ZNF682: variants seen among roughly 807,000 people sequenced by gnomAD.
ZNF682 encodes zinc finger protein 682.
ZNF682 carries 29 observed loss-of-function variants against 36.5 expected under a neutral mutation model. The observed-to-expected ratio is 0.80, with a 90% CI of 0.59 to 1.08. The LOEUF is 1.08. Among genes scored for constraint, ZNF682 ranks in the 50% least tolerant of loss-of-function variants. The probability of loss-of-function intolerance (pLI) is 0.00; values close to 1 mark genes in which losing one functional copy is unlikely to be tolerated. For synonymous variants in ZNF682, 180 were observed against 197.0 expected, an observed-to-expected ratio of 0.91 and a Z score of 0.72; for missense variants, 561 against 579.7, an observed-to-expected ratio of 0.97 and a Z score of 0.33.
At chr19:20,028,783 G>A (rs1407316852) in intron 1 of ZNF682, among the ~76,000 whole-genome samples, 1 of 152,220 alleles carries the variant, frequency 6.6e-6, no homozygotes, top group East Asian at 1.9e-4. Context: ...AAAACAACAC[G>A]CGCACATGCA....
At chr19:20,024,445 G>A (rs1355054704) in intron 1 of ZNF682, 69 bp from the exon 2 acceptor site, 1 of 1,514,570 alleles carries the variant, frequency 6.6e-7, no homozygotes, top group Non-Finnish European at 8.9e-7. Flanking sequence ...TGTGAAAAGA[G>A]AGAATTGCTG....
downstream of ZNF682, among the ~76,000 whole-genome samples, chr19:20,001,222 T>C (rs1247242140): frequency 2.6e-5 from 4 of 152,224 alleles, no homozygotes; most frequent in African/African-American, 9.6e-5. Context: ...CAGTTTGTAT[T>C]GTTTTAACTC....
chr19:20,013,367 G>A (rs2088307301), intron 3 of ZNF682, among the ~76,000 whole-genome samples: 1 of 151,940 alleles, frequency 6.6e-6, no homozygotes, highest in Non-Finnish European at 1.5e-5. Flanking sequence ...GAAATACACA[G>A]CAATATAATA....
intron 3 of ZNF682, among the ~76,000 whole-genome samples, chr19:20,009,805 G>GAGTTC (rs1296365806): frequency 2.0e-5 from 3 of 152,126 alleles, no homozygotes; most frequent in Non-Finnish European, 4.4e-5. Context: ...CAGATCACCT[G>GAGTTC]AGTTCAGGAG....
At chr19:19,998,313 C>A (rs531077277) in intron 3 of ZNF682, among the ~76,000 whole-genome samples, 1 of 152,068 alleles carries the variant, frequency 6.6e-6, no homozygotes, top group African/African-American at 2.4e-5. Flanking sequence ...AGGGAGCCAG[C>A]GCTGCAAAAG....
At chr19:20,009,054 C>A (rs2088257288) in intron 3 of ZNF682, among the ~76,000 whole-genome samples, 1 of 152,066 alleles carries the variant, frequency 6.6e-6, no homozygotes, top group Admixed American at 6.6e-5. Flanking sequence ...ATCCAAATGA[C>A]AGAAAATTCA....
At chr19:20,017,467 G>T (rs2088344242) in intron 3 of ZNF682, among the ~76,000 whole-genome samples, 1 of 152,030 alleles carries the variant, frequency 6.6e-6, no homozygotes, top group Non-Finnish European at 1.5e-5. Context: ...ATAAAGATTG[G>T]TATTATATAA....
At chr19:20,034,422 G>T (rs2088508289) in intron 1 of ZNF682, 3 of 152,188 alleles carry the variant, frequency 2.0e-5, no homozygotes, top group African/African-American at 7.2e-5. Context: ...TATATCCGTG[G>T]GTGGGTGACT....
chr19:20,007,270 A>G lies in ZNF682; in HGVS notation c.232T>C (p.Ser78Pro), dbSNP rs376204120. 2.5e-6 allele frequency: 4 copies of G among 1,596,980 alleles called. No homozygotes were observed. In the African/African-American group the frequency reaches 5.4e-5, roughly 22 times the overall value. The change falls in exon 4 of 4, where the codon TCT (serine) becomes CCT (proline). Residue 78 changes from serine (S) to proline (P), a missense_variant. Ser to Pro is a moderately conservative substitution (Grantham distance 74). Transcript: ENST00000397165. ...HETIAKPPAM[S>P]SHYTEDLLPE... The stretch of plus-strand genomic sequence containing the variant: ...AAAAGGTCTTCAGTGTAATGAGAAG[A>G]CATAGCTGAAATATGAAATTAACAA...
intron 1 of ZNF682, among the ~76,000 whole-genome samples, chr19:20,034,784 A>T (rs2088513029): frequency 2.6e-5 from 4 of 151,634 alleles, no homozygotes; most frequent in Admixed American, 6.6e-5. Flanking sequence ...CAAAAAAAAA[A>T]AAAAGAAAAA....
chr19:20,039,118 G>C, intron 1 of ZNF682: 1 of 1,386,808 alleles, frequency 7.2e-7, no homozygotes, highest in African/African-American at 1.5e-5. Flanking sequence ...GGCTCCGGGC[G>C]GGAAGCGGGA....
intron 1 of ZNF682, among the ~76,000 whole-genome samples, chr19:20,025,516 A>C (rs895661548): frequency 5.3e-5 from 8 of 151,952 alleles, no homozygotes; most frequent in African/African-American, 1.9e-4. Flanking sequence ...TCTTTACTAA[A>C]AATACAAAAA....
At chr19:20,037,166 A>G (rs150951996) in intron 1 of ZNF682, among the ~76,000 whole-genome samples, 6 of 152,300 alleles carry the variant, frequency 3.9e-5, no homozygotes, top group African/African-American at 1.2e-4. Flanking sequence ...ACATCTGACA[A>G]CTGAGGGGTG....
downstream of ZNF682, among the ~76,000 whole-genome samples, chr19:19,996,801 G>A (rs1320804887): frequency 2.6e-5 from 4 of 151,926 alleles, no homozygotes; most frequent in Non-Finnish European, 2.9e-5. Context: ...AACACCACCC[G>A]TTCCCCTAAA....
intron 3 of ZNF682, among the ~76,000 whole-genome samples, chr19:20,021,608 A>G (rs1309529939): frequency 6.6e-6 from 1 of 152,212 alleles, no homozygotes; most frequent in Non-Finnish European, 1.5e-5. Flanking sequence ...CACTTTACAT[A>G]ATAAATAGTT....
rs555330733 is a variant in ZNF682, at chr19:20,039,026, G to A, written c.3+317C>T. 91 of 739,096 alleles carry A rather than the reference G, an allele frequency of 1.2e-4. No individual in the cohort carries two copies. In the East Asian group the frequency reaches 2.8e-3, roughly 23 times the overall value. The allele number at this position is 739,096 out of a possible 1,614,324, so 45.8% of individuals were successfully genotyped here. On this transcript the variant is annotated intron_variant, in intron 1 of 3. Coordinates refer to ENST00000397165, the MANE Select transcript of ZNF682 (RefSeq NM_033196.3). ...TTCCCACGCACAAACCACACACGGGGTCTGGACTCTGCCCTGAGGACGCTT... is the reference window on the plus strand; with the variant it reads ...TTCCCACGCACAAACCACACACGGGATCTGGACTCTGCCCTGAGGACGCTT...
intron 1 of ZNF682, among the ~76,000 whole-genome samples, chr19:20,035,257 C>T (rs1413038938): frequency 6.6e-6 from 1 of 151,916 alleles, no homozygotes; most frequent in Non-Finnish European, 1.5e-5. Context: ...CGGAGTTTTG[C>T]TCTTGTTGCC....
downstream of ZNF682, among the ~76,000 whole-genome samples, chr19:20,003,373 C>G (rs921262075): frequency 6.0e-4 from 91 of 151,386 alleles, 2 homozygotes; most frequent in Admixed American, 6.6e-4. Context: ...CCAATAATTC[C>G]CGAGCAGATT....
In ZNF682 at chr19:20,007,286, A is replaced by G. The variant is rs755789998; in HGVS notation, c.227-11T>C. 6.3e-6 allele frequency: 10 copies of G among 1,580,026 alleles called. No individual in the cohort carries two copies. Among genetic ancestry groups the G allele is most frequent in the Non-Finnish European group, 8.6e-6 (10 of 1,163,940 alleles). Reference sequence around the variant, plus strand: ...AATGAGAAGACATAGCTGAAATATGAAATTAACAAAATATCCCACTTGTTA... The same window carrying G: ...AATGAGAAGACATAGCTGAAATATGGAATTAACAAAATATCCCACTTGTTA... On this transcript the variant is annotated splice_polypyrimidine_tract_variant and intron_variant, in intron 3 of 3. Coordinates refer to ENST00000397165, the MANE Select transcript of ZNF682 (RefSeq NM_033196.3).
Sources: gnomAD v4.1 joint callset for allele counts (sites outside exome capture counted in the v4.1 genomes callset) on GRCh38, gnomAD v4.1.1 for gene constraint, MANE v1.5 for transcripts, NCBI Gene and HGNC (gene_info 2026-07-23, HGNC 2026-07-21) for gene names.